TNS3: variants seen among roughly 807,000 people sequenced by gnomAD.
TNS3 encodes the protein tensin 3, also known as tensin-3.
In TNS3, 45 loss-of-function variants were observed where a neutral mutation model predicts 140.9. The ratio of observed to expected loss-of-function variants is 0.32; its 90% CI spans 0.25 to 0.41. The LOEUF (loss-of-function observed/expected upper bound fraction) is 0.41. TNS3 is among the 10% of genes least tolerant of loss of function. The pLI, the probability that TNS3 is intolerant of heterozygous loss-of-function variation, is 1.00. For synonymous variants in TNS3, 815 were observed against 788.4 expected (o/e 1.03, Z -0.56); for missense variants, 1,716 against 1,906.7 (o/e 0.90, Z 1.86).
chr7:47,285,483 T>C (rs1237899725), intron 27 of TNS3, among the ~76,000 whole-genome samples: 1 of 152,190 alleles, frequency 6.6e-6, no homozygotes, highest in African/African-American at 2.4e-5. Context: ...ACATACTCTC[T>C]TGCCTGCCAC....
chr7:47,347,772 G>C (rs975377892), intron 17 of TNS3, among the ~76,000 whole-genome samples: 4 of 152,204 alleles, frequency 2.6e-5, no homozygotes, highest in Non-Finnish European at 5.9e-5. Context: ...GAAGGAGGAA[G>C]AAGTGTGCGT....
intron 20 of TNS3, among the ~76,000 whole-genome samples, chr7:47,330,783 G>T (rs1788290834): frequency 6.6e-6 from 1 of 152,070 alleles, no homozygotes; most frequent in Non-Finnish European, 1.5e-5. Context: ...GAAGGGATGA[G>T]CAAGTTTAAA....
intron 8 of TNS3, among the ~76,000 whole-genome samples, chr7:47,428,847 A>G (rs749988250): frequency 5.3e-5 from 8 of 152,204 alleles, no homozygotes; most frequent in Non-Finnish European, 1.2e-4. Flanking sequence ...CCTGAGCTCC[A>G]CATACACCGC....
At chr7:47,360,457 G>A (rs560588992) in intron 17 of TNS3, among the ~76,000 whole-genome samples, 2 of 152,216 alleles carry the variant, frequency 1.3e-5, no homozygotes, top group Admixed American at 1.3e-4. Context: ...CCTCACGGAC[G>A]CATGTCCAGC....
At chr7:47,531,941 C>A (rs1296888055) in intron 1 of TNS3, among the ~76,000 whole-genome samples, 1 of 152,198 alleles carries the variant, frequency 6.6e-6, no homozygotes, top group African/African-American at 2.4e-5. Context: ...GGGCCTCCCA[C>A]TCCACCACAC....
At chr7:47,575,108 A>C (rs1800646186) in intron 1 of TNS3, among the ~76,000 whole-genome samples, 1 of 152,238 alleles carries the variant, frequency 6.6e-6, no homozygotes, top group South Asian at 2.1e-4. Context: ...GAGCATGACT[A>C]GCTACGATCT....
intron 8 of TNS3, among the ~76,000 whole-genome samples, chr7:47,431,321 G>A (rs895223170): frequency 2.0e-5 from 3 of 152,136 alleles, no homozygotes; most frequent in South Asian, 2.1e-4. Context: ...CAGGCAGGGC[G>A]CGGTGGCTCA....
chr7:47,506,123 G>A (rs1181310964), intron 3 of TNS3, among the ~76,000 whole-genome samples: 1 of 152,204 alleles, frequency 6.6e-6, no homozygotes, highest in African/African-American at 2.4e-5. Flanking sequence ...CACCTACAGA[G>A]CCCCCATAGG....
chr7:47,580,971 G>A (rs761859660), intron 1 of TNS3, among the ~76,000 whole-genome samples: 25 of 152,112 alleles, frequency 1.6e-4, no homozygotes, highest in Non-Finnish European at 3.2e-4. Context: ...GTGTGAATGC[G>A]CCCCAAGGAA....
chr7:47,400,201 C>T (rs924197884), intron 15 of TNS3, among the ~76,000 whole-genome samples, 192 bp downstream of exon 15: 1 of 152,238 alleles, frequency 6.6e-6, no homozygotes, highest in Admixed American at 6.5e-5. Context: ...AGTCACGCCA[C>T]TTCTGGGGCT....
At chr7:47,431,424 CT>C (rs1331726578) in intron 8 of TNS3, among the ~76,000 whole-genome samples, 1 of 152,146 alleles carries the variant, frequency 6.6e-6, no homozygotes, top group Non-Finnish European at 1.5e-5. Context: ...GAAACCCCAT[CT>C]CTATTAAAAA....
At position 47,292,822 on chromosome 7, in the gene TNS3, C is replaced by G. The variant is rs1785787428; in HGVS notation, c.3850+6G>C. ...CAGAGCCTGACTAGCACTGAGGACC[C>G]CTTACCTCTCTCTGGGATAAGCAGC... On this transcript the variant is annotated splice_donor_region_variant and intron_variant, in intron 26 of 30. Coordinates refer to ENST00000311160, the MANE Select transcript of TNS3 (RefSeq NM_022748.12). The G allele has an allele frequency of 1.2e-6, 2 of 1,614,002 alleles. No individual in the cohort carries two copies. The highest frequency in any genetic ancestry group is 2.2e-5 in the South Asian group (2 of 91,064).
chr7:47,346,323 A>G lies in TNS3; in HGVS notation c.2315T>C (p.Leu772Pro). Residue 772 changes from leucine (L) to proline (P), a missense_variant, in exon 18 of 31, where the codon CTC becomes CCC. Coordinates refer to ENST00000311160, the MANE Select transcript of TNS3 (RefSeq NM_022748.12). Reference sequence around the variant, plus strand: ...GTACTGCCCCAGGCTCAGCTTCCTGAGTCTCCCGCCCAGGGGCTGTTCAGC... The same window carrying G: ...GTACTGCCCCAGGCTCAGCTTCCTGGGTCTCCCGCCCAGGGGCTGTTCAGC... ...SSAEQPLGGR[L>P]RKLSLGQYDN... is the part of the protein sequence containing the mutation. 6.2e-7 allele frequency: 1 copy of G among 1,614,150 alleles called. No individual in the cohort carries two copies. Among genetic ancestry groups the G allele is most frequent in the Non-Finnish European group, 8.5e-7 (1 of 1,180,016 alleles).
chr7:47,448,328 G>A (rs892103323), intron 4 of TNS3, among the ~76,000 whole-genome samples: 2 of 152,212 alleles, frequency 1.3e-5, no homozygotes, highest in African/African-American at 4.8e-5. Context: ...GTCCCAGGGA[G>A]ACATGGGATC....
chr7:47,421,804 T>G (rs988287857), intron 10 of TNS3, among the ~76,000 whole-genome samples: 1 of 152,160 alleles, frequency 6.6e-6, no homozygotes, highest in Non-Finnish European at 1.5e-5. Context: ...AACTGCTCCA[T>G]GGCGTTTCAG....
Position 47,293,788 on chromosome 7 carries a change from G to A in TNS3, c.3717C>T (p.Ile1239=), listed in dbSNP as rs375988920. The part of the protein sequence containing the change: ...LANELVRHFL[I]ECTPKGVRLK... ...ACCGCACTCCCTTCGGGGTACACTC[G>A]ATCAAAAAGTGCCGGACGAGTTCAT... Residue 1239 remains isoleucine (I), a synonymous_variant, in exon 25 of 31, where the codon ATC becomes ATT. Coordinates refer to ENST00000311160, the MANE Select transcript of TNS3 (RefSeq NM_022748.12). 1.2e-4 allele frequency: 197 copies of A among 1,614,006 alleles called. No individual in the cohort carries two copies. The highest frequency in any genetic ancestry group is 3.0e-4 in the Admixed American group (18 of 60,000).
At chr7:47,537,911 C>T (rs1229454381) in intron 1 of TNS3, among the ~76,000 whole-genome samples, 1 of 152,118 alleles carries the variant, frequency 6.6e-6, no homozygotes, top group Non-Finnish European at 1.5e-5. Flanking sequence ...GGGCCTTGCA[C>T]ACCTGGGGGC....
chr7:47,293,487 C>T (rs1286831663), intron 25 of TNS3, among the ~76,000 whole-genome samples: 6 of 152,216 alleles, frequency 3.9e-5, no homozygotes, highest in African/African-American at 9.6e-5. Context: ...ATCTTATTGA[C>T]GTCTGTAATT....
intron 20 of TNS3, among the ~76,000 whole-genome samples, chr7:47,316,892 G>T (rs2150812157): frequency 6.6e-6 from 1 of 152,022 alleles, no homozygotes; most frequent in African/African-American, 2.4e-5. Context: ...CAGGCAGCCA[G>T]ATATAATGAG....
Sources: allele counts gnomAD v4.1 joint callset (sites outside exome capture counted in the v4.1 genomes callset), GRCh38; gene constraint gnomAD v4.1.1; transcripts MANE v1.5; gene names NCBI Gene and HGNC (gene_info 2026-07-23, HGNC 2026-07-21).